MCTP1: variants seen among roughly 807,000 people sequenced by gnomAD.
The protein encoded by MCTP1 is multiple C2 and transmembrane domain-containing protein 1.
A neutral mutation model predicts 120.6 loss-of-function variants in MCTP1; 69 were observed. The ratio of observed to expected loss-of-function variants is 0.57; its 90% confidence interval spans 0.47 to 0.70. The LOEUF is 0.70. Among genes scored for constraint, MCTP1 ranks in the 30% least tolerant of loss-of-function variants. MCTP1 has a pLI of 0.00. For synonymous variants in MCTP1, 529 were observed against 493.1 expected, an observed-to-expected ratio of 1.07 and a Z score of -0.96; for missense variants, 1,203 against 1,248.8, an observed-to-expected ratio of 0.96 and a Z score of 0.55.
At chr5:94,949,835 A>G (rs991922407) in intron 3 of MCTP1, among the ~76,000 whole-genome samples, 1 of 152,196 alleles carries the variant, frequency 6.6e-6, no homozygotes, top group Non-Finnish European at 1.5e-5. Context: ...CAAGATTAAT[A>G]ATCTGTTGTG....
intron 1 of MCTP1, among the ~76,000 whole-genome samples, chr5:95,276,887 G>C (rs987725341): frequency 6.6e-6 from 1 of 152,032 alleles, no homozygotes; most frequent in Non-Finnish European, 1.5e-5. Flanking sequence ...AGGAGGCGGA[G>C]CTTGCAGTGA....
At chr5:94,716,127 A>G (rs1186213736) in intron 19 of MCTP1, among the ~76,000 whole-genome samples, 8 of 152,218 alleles carry the variant, frequency 5.3e-5, no homozygotes, top group Admixed American at 5.2e-4. Context: ...GACCAAGGAC[A>G]TGGAGGCCAG....
intron 9 of MCTP1, among the ~76,000 whole-genome samples, chr5:94,912,267 A>C (rs1808825814): frequency 6.6e-6 from 1 of 151,786 alleles, no homozygotes; most frequent in South Asian, 2.1e-4. Context: ...TCTACTAAAA[A>C]TACAAAAATT....
intron 1 of MCTP1, among the ~76,000 whole-genome samples, chr5:95,181,967 G>C (rs1432281414): frequency 6.6e-6 from 1 of 152,072 alleles, no homozygotes; most frequent in Non-Finnish European, 1.5e-5. Context: ...TTATGAAAAC[G>C]GGTCACTGAA....
intron 1 of MCTP1, among the ~76,000 whole-genome samples, chr5:95,259,266 C>T (rs1010494745): frequency 5.9e-5 from 9 of 152,150 alleles, no homozygotes; most frequent in African/African-American, 1.9e-4. Flanking sequence ...CACTTGCAAC[C>T]CAACCTGGAC....
chr5:95,262,545 A>G (rs1313958225), intron 1 of MCTP1, among the ~76,000 whole-genome samples: 2 of 152,236 alleles, frequency 1.3e-5, no homozygotes, highest in Non-Finnish European at 2.9e-5. Flanking sequence ...CTGAGACAGG[A>G]CTGCATGGAG....
At chr5:94,975,739 C>A (rs1170538427) in intron 2 of MCTP1, among the ~76,000 whole-genome samples, 1 of 152,042 alleles carries the variant, frequency 6.6e-6, no homozygotes, top group East Asian at 1.9e-4. Context: ...CACCCCTTTC[C>A]CTCTCTCTTG....
intron 1 of MCTP1, among the ~76,000 whole-genome samples, chr5:95,018,123 G>C (rs1837476696): frequency 6.6e-6 from 1 of 152,052 alleles, no homozygotes; most frequent in African/African-American, 2.4e-5. Flanking sequence ...TTGTGAGCCT[G>C]CCTCTATAGA....
intron 9 of MCTP1, among the ~76,000 whole-genome samples, chr5:94,911,601 A>G (rs1234728063): frequency 1.3e-5 from 2 of 152,172 alleles, no homozygotes; most frequent in Non-Finnish European, 2.9e-5. Flanking sequence ...GAGGCCTCCC[A>G]GCCATGCTTC....
intron 1 of MCTP1, among the ~76,000 whole-genome samples, chr5:95,220,546 AG>A (rs1753575683): frequency 6.6e-6 from 1 of 152,180 alleles, no homozygotes; most frequent in Non-Finnish European, 1.5e-5. Context: ...TTTGATGTTG[AG>A]GCCAAGAGGG....
intron 1 of MCTP1, among the ~76,000 whole-genome samples, chr5:95,051,741 T>G (rs1179179530): frequency 6.6e-6 from 1 of 152,118 alleles, no homozygotes; most frequent in South Asian, 2.1e-4. Context: ...TGCAGCAACA[T>G]AGATGGAGCT....
chr5:94,952,982 G>A (rs946877955), intron 3 of MCTP1, among the ~76,000 whole-genome samples: 8 of 152,124 alleles, frequency 5.3e-5, no homozygotes, highest in African/African-American at 1.4e-4. Context: ...AAGCACAAGG[G>A]ATACACTTCA....
intron 1 of MCTP1, among the ~76,000 whole-genome samples, chr5:95,047,347 G>A (rs1486354099): frequency 6.6e-6 from 1 of 152,120 alleles, no homozygotes; most frequent in Admixed American, 6.5e-5. Context: ...ACAGACTCAT[G>A]CTGCTCCCTG....
chr5:95,087,150 A>G (rs1402003819), intron 1 of MCTP1, among the ~76,000 whole-genome samples: 1 of 152,204 alleles, frequency 6.6e-6, no homozygotes, highest in Non-Finnish European at 1.5e-5. Flanking sequence ...CCTTGAGGCT[A>G]TGAGGTTTAC....
chr5:95,284,295 G>A lies in MCTP1; in HGVS notation c.281C>T (p.Ser94Phe). 2 of 1,597,376 alleles carry A rather than the reference G, an allele frequency of 1.3e-6. No individual in the cohort carries two copies. Among genetic ancestry groups the A allele is most frequent in the South Asian group, 1.1e-5 (1 of 90,962 alleles). Reference protein sequence around the residue: ...RKQVLDRVFSSSQPNLCCSSP... With the variant: ...RKQVLDRVFSFSQPNLCCSSP... ...CGAGCAGCACAGGTTGGGCTGCGAGGAGGAGAAGACTCGGTCCAGCACTTG... is the reference window on the plus strand; with the variant it reads ...CGAGCAGCACAGGTTGGGCTGCGAGAAGGAGAAGACTCGGTCCAGCACTTG... The change falls in exon 1 of 23, where the codon TCC becomes TTC. Residue 94 changes from serine to phenylalanine, a missense_variant. By Grantham distance (155) the Ser-to-Phe change is radical. This residue lies in a region of MCTP1 where 463 missense variants were observed against 377.8 expected (regional missense o/e 1.23). Transcript: ENST00000515393. The surrounding 1 kb of genome is among the most constrained non-coding windows in gnomAD (Gnocchi z 5.2).
intron 19 of MCTP1, among the ~76,000 whole-genome samples, chr5:94,766,105 G>C (rs569499640): frequency 1.3e-5 from 2 of 152,242 alleles, no homozygotes; most frequent in Non-Finnish European, 2.9e-5. Context: ...AAATTAGCTG[G>C]GCATGGTGGC....
intron 10 of MCTP1, among the ~76,000 whole-genome samples, chr5:94,905,779 A>G (rs940783374): frequency 1.3e-5 from 2 of 152,212 alleles, no homozygotes; most frequent in Non-Finnish European, 2.9e-5. Flanking sequence ...GCAGTGCAAT[A>G]TAGGAATCTG....
chr5:94,974,153 A>C (rs1827517516), intron 2 of MCTP1, among the ~76,000 whole-genome samples: 1 of 152,176 alleles, frequency 6.6e-6, no homozygotes, highest in Admixed American at 6.6e-5. Context: ...AGAACTACAA[A>C]CATATTAAAA....
chr5:95,229,764 C>T (rs527439957), intron 1 of MCTP1, among the ~76,000 whole-genome samples: 2 of 151,744 alleles, frequency 1.3e-5, no homozygotes, highest in Admixed American at 6.6e-5. Context: ...AGATTGGTTA[C>T]ACAGTAAGAG....
Sources: gnomAD v4.1 joint callset for allele counts (sites outside exome capture counted in the v4.1 genomes callset) on GRCh38, gnomAD v4.1.1 for gene constraint, gnomAD v4.1.1 regional missense constraint, Gnocchi (gnomAD v3.1) non-coding constraint, MANE v1.5 for transcripts, NCBI Gene and HGNC (gene_info 2026-07-23, HGNC 2026-07-21) for gene names.